The following STX18 variants were observed in gnomAD, a reference collection of about 807,000 sequenced individuals.
STX18 encodes the protein syntaxin 18.
STX18 carries 40 observed loss-of-function variants against 50.1 expected under a neutral mutation model. The observed-to-expected ratio is 0.80, with a 90% CI of 0.62 to 1.04. STX18 has a LOEUF of 1.04. Among genes scored for constraint, STX18 ranks in the 50% least tolerant of loss-of-function variants. The pLI is 0.00. For synonymous variants in STX18, 158 were observed against 151.8 expected, an observed-to-expected ratio of 1.04 and a Z score of -0.30; for missense variants, 410 against 415.8, an observed-to-expected ratio of 0.99 and a Z score of 0.12.
At chr4:4,446,744 C>T (rs567837230) in intron 5 of STX18, among the ~76,000 whole-genome samples, 51 of 151,098 alleles carry the variant, frequency 3.4e-4, no homozygotes, top group Admixed American at 1.1e-3. Flanking sequence ...AAGACAGTTT[C>T]TTACTAAGTC....
chr4:4,512,393 C>T (rs1359328077), intron 1 of STX18, among the ~76,000 whole-genome samples: 2 of 152,134 alleles, frequency 1.3e-5, no homozygotes, highest in East Asian at 1.9e-4. Context: ...CTGGTTGCTA[C>T]CCCTGGTCCA....
chr4:4,440,481 G>A (rs763371060), intron 5 of STX18, among the ~76,000 whole-genome samples: 1 of 152,180 alleles, frequency 6.6e-6, no homozygotes, highest in Non-Finnish European at 1.5e-5. Flanking sequence ...GCCCATGCTC[G>A]TAACAACTGC....
In STX18 at chr4:4,420,325, C is replaced by G; in HGVS notation, c.913-196G>C. On this transcript the variant is annotated intron_variant, in intron 10 of 10. Transcript: ENST00000306200. The surrounding 1 kb of genome is among the most constrained non-coding windows in gnomAD (Gnocchi z 4.3). ...ATGGGTTATATTTCCCTCTGTTTGG[C>G]CATCATTTGGGTCCTGCACAATTCT... 1 of 569,030 alleles carries G rather than the reference C, an allele frequency of 1.8e-6. No individual in the cohort carries two copies. Among genetic ancestry groups the G allele is most frequent in the Non-Finnish European group, 3.2e-6 (1 of 316,230 alleles). The allele number at this position is 569,030 out of a possible 1,614,324, so 35.2% of individuals were successfully genotyped here.
At chr4:4,511,302 C>T (rs563100309) in intron 1 of STX18, among the ~76,000 whole-genome samples, 98 of 152,374 alleles carry the variant, frequency 6.4e-4, no homozygotes, top group Non-Finnish European at 1.2e-3. Flanking sequence ...TGTGGACTCT[C>T]ACAGTTCCTT....
At chr4:4,501,374 C>T (rs1193478971) in intron 1 of STX18, among the ~76,000 whole-genome samples, 1 of 152,160 alleles carries the variant, frequency 6.6e-6, no homozygotes, top group Non-Finnish European at 1.5e-5. Flanking sequence ...ACCATTGCTG[C>T]CACCTCTCTC....
chr4:4,486,607 G>T (rs2108857664), intron 1 of STX18, among the ~76,000 whole-genome samples: 1 of 152,280 alleles, frequency 6.6e-6, no homozygotes, highest in East Asian at 1.9e-4. Flanking sequence ...CTTTTACAGA[G>T]AAGAGAGGCC....
chr4:4,513,833 T>A (rs749353951), intron 1 of STX18, among the ~76,000 whole-genome samples: 4 of 152,186 alleles, frequency 2.6e-5, no homozygotes, highest in Non-Finnish European at 4.4e-5. Context: ...GAGACAATCA[T>A]AAACTTCTAT....
At chr4:4,452,882 T>C (rs370433854) in intron 5 of STX18, among the ~76,000 whole-genome samples, 1 of 152,176 alleles carries the variant, frequency 6.6e-6, no homozygotes, top group Non-Finnish European at 1.5e-5. Flanking sequence ...TTGGAAGAAG[T>C]GGATTCCAAC....
At chr4:4,449,299 C>T (rs1726619599) in intron 5 of STX18, among the ~76,000 whole-genome samples, 1 of 150,288 alleles carries the variant, frequency 6.7e-6, no homozygotes, top group African/African-American at 2.5e-5. Flanking sequence ...CTCCCTCCCA[C>T]CTCGGCCTCC....
chr4:4,480,421 C>G (rs1459022447), intron 1 of STX18, among the ~76,000 whole-genome samples: 2 of 152,196 alleles, frequency 1.3e-5, no homozygotes, highest in Non-Finnish European at 2.9e-5. Context: ...TCTTCTGACT[C>G]ACTCCTATGC....
intron 1 of STX18, among the ~76,000 whole-genome samples, chr4:4,520,995 A>C (rs1730482887): frequency 6.6e-6 from 1 of 152,214 alleles, no homozygotes; most frequent in South Asian, 2.1e-4. Flanking sequence ...CAATCTTTGA[A>C]GATGAAAAAC....
chr4:4,482,596 C>T (rs956819750), intron 1 of STX18, among the ~76,000 whole-genome samples: 2 of 152,252 alleles, frequency 1.3e-5, no homozygotes, highest in Non-Finnish European at 2.9e-5. Flanking sequence ...GCTCCATCTA[C>T]CAGCTTCTGT....
At chr4:4,516,988 G>A (rs1262829203) in intron 1 of STX18, among the ~76,000 whole-genome samples, 1 of 152,184 alleles carries the variant, frequency 6.6e-6, no homozygotes, top group African/African-American at 2.4e-5. Flanking sequence ...AAATTTGTAT[G>A]AACATTTGTG....
chr4:4,495,383 CTCTCTCTT>C (rs929223286), intron 1 of STX18, among the ~76,000 whole-genome samples: 13 of 151,886 alleles, frequency 8.6e-5, no homozygotes, highest in African/African-American at 2.7e-4. Context: ...TCTTTCTTCT[CTCTCTCTT>C]TCTCTCTTTC....
chr4:4,477,069 AAAC>A (rs989512211), intron 1 of STX18, among the ~76,000 whole-genome samples: 3 of 151,878 alleles, frequency 2.0e-5, no homozygotes, highest in African/African-American at 7.3e-5. Flanking sequence ...CAAAAAACCA[AAAC>A]AACAAAACAA....
At chr4:4,423,634 T>C in intron 8 of STX18, 47 bp from the exon 9 acceptor site, 1 of 1,574,088 alleles carries the variant, frequency 6.4e-7, no homozygotes, top group Non-Finnish European at 8.7e-7. Flanking sequence ...CACTTGGTAA[T>C]CTAACAGGAC....
chr4:4,541,751 G>C (rs894644391), intron 1 of STX18, 46 bp downstream of exon 1: 4 of 1,570,544 alleles, frequency 2.5e-6, no homozygotes, highest in Non-Finnish European at 2.6e-6. Flanking sequence ...CCCTGTCGCA[G>C]GACTGCCCCC....
At chr4:4,517,660 TTG>T (rs1730333978) in intron 1 of STX18, among the ~76,000 whole-genome samples, 1 of 152,230 alleles carries the variant, frequency 6.6e-6, no homozygotes, top group Admixed American at 6.5e-5. Flanking sequence ...ACAGATAATC[TTG>T]TGTTTTTAAA....
chr4:4,437,104 C>T (rs545150728), intron 6 of STX18, among the ~76,000 whole-genome samples: 2 of 152,216 alleles, frequency 1.3e-5, no homozygotes, highest in African/African-American at 2.4e-5. Context: ...GGATTACAGG[C>T]GTGTGCCACC....
Sources: gnomAD v4.1 joint callset for allele counts (sites outside exome capture counted in the v4.1 genomes callset) on GRCh38, gnomAD v4.1.1 for gene constraint, Gnocchi (gnomAD v3.1) non-coding constraint, MANE v1.5 for transcripts, NCBI Gene and HGNC (gene_info 2026-07-23, HGNC 2026-07-21) for gene names.